Variants in LRRC23 observed in about 807,000 individuals in gnomAD.
LRRC23 encodes the protein leucine-rich repeat-containing protein 23.
Under a neutral mutation model 37.7 loss-of-function variants are expected in LRRC23, and 28 were observed. The ratio of observed to expected loss-of-function variants is 0.74; its 90% confidence interval spans 0.55 to 1.02. The LOEUF is 1.02. Among genes scored for constraint, LRRC23 ranks in the 50% least tolerant of loss-of-function variants. The probability of loss-of-function intolerance (pLI) is 0.00; values close to 1 mark genes in which losing one functional copy is unlikely to be tolerated. For missense variants in LRRC23, 377 were observed against 413.2 expected (o/e 0.91, Z 0.76); for synonymous variants, 161 against 165.4 (o/e 0.97, Z 0.20).
intron 4 of LRRC23, among the ~76,000 whole-genome samples, chr12:6,906,965 T>C (rs1184520745): frequency 6.6e-6 from 1 of 151,974 alleles, no homozygotes; most frequent in African/African-American, 2.4e-5. Context: ...AAAAAATAGA[T>C]CAGAGTAAGA....
intron 5 of LRRC23, among the ~76,000 whole-genome samples, chr12:6,908,980 G>A (rs781815255): frequency 4.1e-4 from 50 of 123,004 alleles, no homozygotes; most frequent in African/African-American, 1.5e-3. Flanking sequence ...CTGCAAGAAG[G>A]GCTATTATGG....
At chr12:6,907,873 C>G in intron 5 of LRRC23, 1 of 293,078 alleles carries the variant, frequency 3.4e-6, no homozygotes, top group South Asian at 3.8e-5. Flanking sequence ...ATCTCTAATT[C>G]GATTCACTGT....
intron 5 of LRRC23, among the ~76,000 whole-genome samples, chr12:6,909,579 G>A (rs954991966): frequency 4.9e-5 from 7 of 142,408 alleles, no homozygotes; most frequent in African/African-American, 1.6e-4. Flanking sequence ...TTCTGGGATG[G>A]TGCTGATGCC....
intron 6 of LRRC23, among the ~76,000 whole-genome samples, chr12:6,912,352 A>G (rs781837087): frequency 6.6e-5 from 10 of 152,174 alleles, no homozygotes; most frequent in South Asian, 2.1e-4. Context: ...GGGTCTCGCT[A>G]TGTTGCCCAG....
Position 6,907,390 on chromosome 12 carries a change from A to G in LRRC23, c.566A>G (p.Asn189Ser), listed in dbSNP as rs782057939. ...CTGCACACAGTGGAGCTTCGGGGGA[A>G]CCAGCTGGAAAGCACCCTGGGAATC... Reference protein sequence around the residue: ...ISLHTVELRGNQLESTLGINL... With the variant: ...ISLHTVELRGSQLESTLGINL... The change falls in exon 5 of 8, where the codon AAC becomes AGC. Residue 189 changes from asparagine to serine, a missense_variant. By Grantham distance (46) the Asn-to-Ser change is conservative (BLOSUM62 1). Transcript: ENST00000443597. 9.9e-6 allele frequency: 16 copies of G among 1,612,410 alleles called. No individual in the cohort carries two copies. In the Admixed American group the frequency reaches 2.5e-4, roughly 25 times the overall value.
chr12:6,913,000 C>T lies in LRRC23; in HGVS notation c.1029C>T (p.Ile343=), dbSNP rs1342829603. Residue 343 remains isoleucine (I), a synonymous_variant, in exon 7 of 8, where the codon ATC becomes ATT. Transcript: ENST00000443597. ...QRDLEPEQSL[I] ...ACCTGGAACCCGAACAGTCATTGAT[C>T]TAGCAGCAGTTCTAGCCTCTAAAGA... The T allele has an allele frequency of 2.5e-6, 4 of 1,613,882 alleles. No individual in the cohort carries two copies. The African/African-American group carries it at 4.0e-5, about 16-fold the overall frequency.
chr12:6,906,662 G>A lies in LRRC23; in HGVS notation c.490G>A (p.Gly164Arg). The part of the protein sequence containing the change: ...HPRLETLNLK[G>R]NSIHMVTGLD... Reference sequence around the variant, plus strand: ...TCGTCTTGAAACCCTGAATCTCAAAGGTGGGTCTTTAGGATGGGCTACACA... The same window carrying A: ...TCGTCTTGAAACCCTGAATCTCAAAAGTGGGTCTTTAGGATGGGCTACACA... Residue 164 changes from glycine to arginine, a missense_variant and splice_region_variant, in exon 4 of 8, where the codon GGG (glycine) becomes AGG (arginine). Around this residue, in one of 3 missense-constraint regions of LRRC23, gnomAD observed 266 missense variants for 285.6 expected, o/e 0.93. Transcript: ENST00000443597. 1 of 1,613,890 alleles carries A rather than the reference G, an allele frequency of 6.2e-7. No individual in the cohort carries two copies. Among genetic ancestry groups the A allele is most frequent in the East Asian group, 2.2e-5 (1 of 44,880 alleles).
chr12:6,910,206 G>T (rs942404396), intron 6 of LRRC23, among the ~76,000 whole-genome samples, 180 bp downstream of exon 6: 1 of 152,046 alleles, frequency 6.6e-6, no homozygotes, highest in Non-Finnish European at 1.5e-5. Context: ...TATAGCTTGT[G>T]ACCCCTGAAT....
chr12:6,908,518 AC>A (rs1363548022), intron 5 of LRRC23, among the ~76,000 whole-genome samples: 2 of 144,182 alleles, frequency 1.4e-5, no homozygotes, highest in African/African-American at 5.1e-5. Context: ...AATGGCTTGA[AC>A]CCAGAAGGCA....
At chr12:6,906,379 C>G (rs372788832) in intron 3 of LRRC23, 30 bp from the exon 4 acceptor site, 51 of 1,606,686 alleles carry the variant, frequency 3.2e-5, no homozygotes, top group African/African-American at 4.0e-5. Context: ...AACCCTAAAC[C>G]TGGTTTCTTC....
rs1438738308 is a variant in LRRC23 at position 6,905,974 on chromosome 12, G to T, written c.236+20G>T. 9 of 1,597,174 alleles carry T rather than the reference G, an allele frequency of 5.6e-6. No homozygotes were observed. The highest frequency in any genetic ancestry group is 1.7e-4 in the Middle Eastern group (1 of 5,962). ...AGAGAGGTGCGTTTTGGGGGGACCA[G>T]ATGAGGACTGTGAGACTGTAGGGCC... On this transcript the variant is annotated intron_variant, in intron 3 of 7. Transcript: ENST00000443597.
intron 5 of LRRC23, among the ~76,000 whole-genome samples, chr12:6,908,908 G>A (rs1219389207): frequency 6.4e-5 from 9 of 141,506 alleles, no homozygotes; most frequent in South Asian, 2.2e-4. Flanking sequence ...GTGAAAAGAC[G>A]GCTGGAGAAG....
chr12:6,906,452 C>T lies in LRRC23; in HGVS notation c.280C>T (p.Arg94Cys), dbSNP rs151089767. 19 of 1,614,068 alleles carry T rather than the reference C, an allele frequency of 1.2e-5. No homozygotes were observed. The highest frequency in any genetic ancestry group is 6.7e-5 in the East Asian group (3 of 44,890). Reference sequence around the variant, plus strand: ...CTTGCTGCGCTCCTACATCCATCTGCGCTATGTGGATATTTCTGAGAACCA... The same window carrying T: ...CTTGCTGCGCTCCTACATCCATCTGTGCTATGTGGATATTTCTGAGAACCA... ...IYLLRSYIHL[R>C]YVDISENHLT... is the part of the protein sequence containing the mutation. Residue 94 changes from arginine to cysteine, a missense_variant, in exon 4 of 8, where the codon CGC (arginine) becomes TGC (cysteine). Arg to Cys is a radical substitution (Grantham distance 180, BLOSUM62 -3). Transcript: ENST00000443597.
At chr12:6,913,427 C>A (rs1344333371) in intron 7 of LRRC23, among the ~76,000 whole-genome samples, 1 of 151,584 alleles carries the variant, frequency 6.6e-6, no homozygotes, top group Non-Finnish European at 1.5e-5. Flanking sequence ...CACAAAAAAT[C>A]TGAAGCTAAA....
At position 6,905,856 on chromosome 12, in the gene LRRC23, C is replaced by G. The variant is rs781957162; in HGVS notation, c.138C>G (p.Thr46=). Residue 46 remains threonine, a synonymous_variant, in exon 3 of 8, where the codon ACC becomes ACG. Transcript: ENST00000443597. ...GEEFPEEWLP[T]PLTEDMMKEG... ...ACTTCTACCTGCAGTGGCTGCCCAC[C>G]CCCCTCACGGAGGACATGATGAAGG... 1 of 1,613,822 alleles carries G rather than the reference C, an allele frequency of 6.2e-7. No individual in the cohort carries two copies. Among genetic ancestry groups the G allele is most frequent in the Non-Finnish European group, 8.5e-7 (1 of 1,179,974 alleles).
At chr12:6,907,178 A>C in intron 4 of LRRC23, 137 bp from the exon 5 acceptor site, 1 of 969,214 alleles carries the variant, frequency 1.0e-6, no homozygotes, top group Non-Finnish European at 1.6e-6. Context: ...CTCCAGAGGT[A>C]TTAAGTCTGG....
At chr12:6,910,863 G>A (rs1200895927) in intron 6 of LRRC23, among the ~76,000 whole-genome samples, 3 of 152,174 alleles carry the variant, frequency 2.0e-5, no homozygotes, top group Non-Finnish European at 4.4e-5. Context: ...GTTGCAGTGA[G>A]CCATGATTGT....
chr12:6,911,400 T>G (rs1945156700), intron 6 of LRRC23, among the ~76,000 whole-genome samples: 1 of 152,156 alleles, frequency 6.6e-6, no homozygotes, highest in East Asian at 1.9e-4. Context: ...CACACGGATC[T>G]GGTGGGGTGT....
rs1213599274 is a variant in LRRC23, at chr12:6,911,388, G to A, written c.759-1342G>A. On this transcript the variant is annotated intron_variant, in intron 6 of 7. Coordinates refer to ENST00000443597, the MANE Select transcript of LRRC23 (RefSeq NM_001135217.2). Reference sequence around the variant, plus strand: ...GGGCATTCTCTTATTCATGAACTCTGCCACACGGATCTGGTGGGGTGTGTA... The same window carrying A: ...GGGCATTCTCTTATTCATGAACTCTACCACACGGATCTGGTGGGGTGTGTA... 4.6e-5 allele frequency among the ~76,000 whole-genome samples: 7 copies of A among 152,228 alleles called. No individual in the cohort carries two copies. The East Asian group carries it at 1.2e-3, about 25-fold the overall frequency.
Sources: gnomAD v4.1 joint callset for allele counts (sites outside exome capture counted in the v4.1 genomes callset) on GRCh38, gnomAD v4.1.1 for gene constraint, gnomAD v4.1.1 regional missense constraint, MANE v1.5 for transcripts, NCBI Gene and HGNC (gene_info 2026-07-23, HGNC 2026-07-21) for gene names.